PTPRT: variants seen among roughly 807,000 people sequenced by gnomAD.
PTPRT encodes protein tyrosine phosphatase receptor type T.
Under a neutral mutation model 176.8 loss-of-function variants are expected in PTPRT, and 56 were observed. That is an observed-to-expected ratio of 0.32 (90% confidence interval 0.26 to 0.40). PTPRT has a LOEUF of 0.40. PTPRT is among the 10% of genes least tolerant of loss of function. The probability of loss-of-function intolerance (pLI) is 1.00; values close to 1 mark genes in which losing one functional copy is unlikely to be tolerated. For synonymous variants in PTPRT, 783 were observed against 739.0 expected, an observed-to-expected ratio of 1.06 and a Z score of -0.96; for missense variants, 1,540 against 1,908.2, an observed-to-expected ratio of 0.81 and a Z score of 3.60.
chr20:42,086,753 A>AAAAAATATATATATATATAT (rs1983991312), intron 27 of PTPRT, among the ~76,000 whole-genome samples: 1 of 95,528 alleles, frequency 1.0e-5, no homozygotes, highest in African/African-American at 4.9e-5. Flanking sequence ...AAAAAAAAAA[A>AAAAAATATATATATATATAT]ATATATATAT....
intron 11 of PTPRT, among the ~76,000 whole-genome samples, chr20:42,348,773 T>C (rs1220580706): frequency 2.6e-5 from 4 of 152,162 alleles, no homozygotes; most frequent in Admixed American, 1.3e-4. Context: ...GATGACAGCA[T>C]GTAGGCCTGC....
chr20:42,187,045 T>C (rs1053745320), intron 16 of PTPRT, among the ~76,000 whole-genome samples: 2 of 152,152 alleles, frequency 1.3e-5, no homozygotes, highest in African/African-American at 4.8e-5. Flanking sequence ...CTCATATGAT[T>C]GGTAAGGTGA....
intron 7 of PTPRT, among the ~76,000 whole-genome samples, chr20:42,651,318 T>C (rs1042310644): frequency 6.6e-6 from 1 of 152,172 alleles, no homozygotes; most frequent in Non-Finnish European, 1.5e-5. Context: ...TAAGAAAATA[T>C]AGGCATACCC....
At chr20:42,801,854 G>A (rs955225998) in intron 2 of PTPRT, among the ~76,000 whole-genome samples, 1 of 152,060 alleles carries the variant, frequency 6.6e-6, no homozygotes, top group Non-Finnish European at 1.5e-5. Flanking sequence ...CCTTGTGGGG[G>A]GGCTAAAAGA....
chr20:42,576,849 C>T (rs900346415), intron 7 of PTPRT, among the ~76,000 whole-genome samples: 1 of 152,180 alleles, frequency 6.6e-6, no homozygotes, highest in Non-Finnish European at 1.5e-5. Context: ...GTCCCCTGAG[C>T]TCCCAAGGGG....
intron 11 of PTPRT, among the ~76,000 whole-genome samples, chr20:42,332,430 T>G (rs933445772): frequency 3.3e-5 from 5 of 152,084 alleles, no homozygotes; most frequent in Admixed American, 1.3e-4. Context: ...CAGGATGGCC[T>G]CAATTTCCTG....
At chr20:42,133,565 G>A (rs1988231911) in intron 18 of PTPRT, among the ~76,000 whole-genome samples, 1 of 152,226 alleles carries the variant, frequency 6.6e-6, no homozygotes, top group South Asian at 2.1e-4. Flanking sequence ...GTGAAGCATA[G>A]AGGATGTTTA....
chr20:42,577,878 C>T (rs1200132044), intron 7 of PTPRT, among the ~76,000 whole-genome samples: 1 of 134,152 alleles, frequency 7.5e-6, no homozygotes, highest in South Asian at 2.8e-4. Flanking sequence ...TACAGGCATA[C>T]CCAGTCTAAC....
At chr20:42,343,833 C>A (rs765698771) in intron 11 of PTPRT, among the ~76,000 whole-genome samples, 9 of 152,234 alleles carry the variant, frequency 5.9e-5, no homozygotes, top group Non-Finnish European at 7.3e-5. Context: ...AGAGAAAATT[C>A]TTGCCCATGG....
chr20:42,336,621 T>C (rs2058043575), intron 11 of PTPRT, among the ~76,000 whole-genome samples: 1 of 152,162 alleles, frequency 6.6e-6, no homozygotes, highest in African/African-American at 2.4e-5. Flanking sequence ...ATTTCAGTAA[T>C]TGCATTCCTG....
chr20:42,938,136 C>G (rs1980309906), intron 1 of PTPRT, among the ~76,000 whole-genome samples: 1 of 152,128 alleles, frequency 6.6e-6, no homozygotes, highest in Non-Finnish European at 1.5e-5. Context: ...AAAGAACAGA[C>G]AGCTAACAGA....
At chr20:43,117,928 G>A (rs752310837) in intron 1 of PTPRT, among the ~76,000 whole-genome samples, 3 of 152,164 alleles carry the variant, frequency 2.0e-5, no homozygotes, top group Non-Finnish European at 2.9e-5. Context: ...AGATAGCATC[G>A]ACATTCAGTA....
chr20:42,851,755 C>T (rs1038235317), intron 2 of PTPRT, among the ~76,000 whole-genome samples: 12 of 152,154 alleles, frequency 7.9e-5, no homozygotes, highest in Non-Finnish European at 1.2e-4. Context: ...GCAAGCAATA[C>T]GTAAATGAAT....
chr20:42,389,647 G>A (rs916837150), intron 9 of PTPRT, among the ~76,000 whole-genome samples: 28 of 152,012 alleles, frequency 1.8e-4, no homozygotes, highest in African/African-American at 6.8e-4. Context: ...GAGTCTAGGA[G>A]TTTGAGACCA....
intron 1 of PTPRT, among the ~76,000 whole-genome samples, chr20:43,016,398 C>T (rs966772618): frequency 5.3e-5 from 8 of 151,900 alleles, no homozygotes; most frequent in African/African-American, 9.7e-5. Context: ...TCTGCTGTCT[C>T]GCCTCATCCT....
chr20:42,118,296 G>A, intron 21 of PTPRT, 107 bp downstream of exon 21: 1 of 904,862 alleles, frequency 1.1e-6, no homozygotes, highest in South Asian at 1.9e-5. Context: ...GTTGCCGTGA[G>A]GGTGAAATAC....
At chr20:43,101,575 A>G (rs576046239) in intron 1 of PTPRT, among the ~76,000 whole-genome samples, 3 of 152,284 alleles carry the variant, frequency 2.0e-5, no homozygotes, top group African/African-American at 7.2e-5. Context: ...CAGCATAACT[A>G]GCATCATGTT....
intron 7 of PTPRT, among the ~76,000 whole-genome samples, chr20:42,473,846 C>T (rs1280995546): frequency 6.6e-6 from 1 of 152,140 alleles, no homozygotes; most frequent in East Asian, 1.9e-4. Flanking sequence ...ATTCTTGTGT[C>T]AGACTTTCTT....
At chr20:43,149,802 C>T (rs2014289304) in intron 1 of PTPRT, among the ~76,000 whole-genome samples, 1 of 152,196 alleles carries the variant, frequency 6.6e-6, no homozygotes. Context: ...GATGACAGTT[C>T]ACCAGATCTG....
Sources: allele counts gnomAD v4.1 joint callset (sites outside exome capture counted in the v4.1 genomes callset), GRCh38; gene constraint gnomAD v4.1.1; transcripts MANE v1.5; gene names NCBI Gene and HGNC (gene_info 2026-07-23, HGNC 2026-07-21).